The following MINK1 variants were observed in gnomAD, a reference collection of about 807,000 sequenced individuals.
MINK1 encodes the protein misshapen like kinase 1.
MINK1 carries 46 observed loss-of-function variants against 178.4 expected under a neutral mutation model. The observed-to-expected ratio is 0.26, with a 90% CI of 0.20 to 0.33. The LOEUF is 0.33. Ranked by LOEUF, MINK1 falls within the 10% of genes least tolerant of loss-of-function variation. The pLI is 1.00. For missense variants in MINK1, 1,366 were observed against 1,814.9 expected, an observed-to-expected ratio of 0.75 and a Z score of 4.49; for synonymous variants, 797 against 709.7, an observed-to-expected ratio of 1.12 and a Z score of -1.96.
Position 4,886,568 on chromosome 17 carries a change from G to C in MINK1, c.891G>C (p.Gln297His). Residue 297 changes from glutamine to histidine, a missense_variant, in exon 10 of 32, where the codon CAG (glutamine) becomes CAC (histidine). Coordinates refer to ENST00000355280, the MANE Select transcript of MINK1 (RefSeq NM_153827.5). This position sits in a 1 kb window ranked among gnomAD's most constrained non-coding sequence, Gnocchi z 6.1. ...TCCGGGACCAGCCCACGGAGCGGCA[G>C]GTCCGCATCCAGCTTAAGGACCACA... Reference protein sequence around the residue: ...PFIRDQPTERQVRIQLKDHID... With the variant: ...PFIRDQPTERHVRIQLKDHID... 3 of 1,612,840 alleles carry C rather than the reference G, an allele frequency of 1.9e-6. No individual in the cohort carries two copies. Among genetic ancestry groups the C allele is most frequent in the Non-Finnish European group, 2.5e-6 (3 of 1,179,456 alleles).
chr17:4,889,632 T>G lies in MINK1; in HGVS notation c.1231-15T>G. On this transcript the variant is annotated splice_polypyrimidine_tract_variant and intron_variant, in intron 12 of 31. Transcript: ENST00000355280. ...GTCCGGTATGGTTCTTAAGACCACC[T>G]GGCTCTCCCCACAGCAACAGCGGCG... 6.4e-7 allele frequency: 1 copy of G among 1,569,118 alleles called. No homozygotes were observed. Among genetic ancestry groups the G allele is most frequent in the Non-Finnish European group, 8.6e-7 (1 of 1,157,798 alleles).
Position 4,896,849 on chromosome 17 carries a change from C to T in MINK1, c.3915+36C>T. ...CCTTCCCTCTGAAAGCCCTGCTGTC[C>T]CGGCTGCCATGACCCTAGGCCCCTG... On this transcript the variant is annotated intron_variant, in intron 31 of 31. Coordinates refer to ENST00000355280, the MANE Select transcript of MINK1 (RefSeq NM_153827.5). This position sits in a 1 kb window ranked among gnomAD's most constrained non-coding sequence, Gnocchi z 4.6. The T allele has an allele frequency of 2.6e-6, 4 of 1,534,096 alleles. No homozygotes were observed. The highest frequency in any genetic ancestry group is 3.5e-6 in the Non-Finnish European group (4 of 1,141,820).
chr17:4,875,417 G>T, intron 1 of MINK1: 1 of 448,870 alleles, frequency 2.2e-6, no homozygotes, highest in Non-Finnish European at 4.4e-6. Context: ...CAAGGCTACA[G>T]TGAGCTGTGA....
intron 20 of MINK1, 175 bp from the exon 21 acceptor site, chr17:4,893,257 GCT>G (rs1969061998): frequency 6.2e-7 from 1 of 1,610,960 alleles, no homozygotes; most frequent in Non-Finnish European, 8.5e-7. Flanking sequence ...CTCTCTTCTG[GCT>G]CTTTCTTCCC....
chr17:4,838,622 G>A (rs114411493), intron 1 of MINK1, among the ~76,000 whole-genome samples: 1,837 of 152,234 alleles, frequency 0.012, 24 homozygotes, highest in African/African-American at 0.038. Context: ...CTTGTATTCT[G>A]GTGTAGGTCT....
rs931136409 is a variant in MINK1 at position 4,833,473 on chromosome 17, C to T, written c.-111C>T. On this transcript the variant is annotated 5_prime_UTR_variant, in exon 1 of 32. Transcript: ENST00000355280. The surrounding 1 kb of genome is among the most constrained non-coding windows in gnomAD (Gnocchi z 4.8). Reference sequence around the variant, plus strand: ...CCCTCCCCGGTCTCCGGGGGAGGCGCGGTGGAGTCCGCCCCCGGGGTTCTC... The same window carrying T: ...CCCTCCCCGGTCTCCGGGGGAGGCGTGGTGGAGTCCGCCCCCGGGGTTCTC... The T allele has an allele frequency of 1.8e-5, 16 of 868,062 alleles. No homozygotes were observed. The highest frequency in any genetic ancestry group is 3.6e-5 in the African/African-American group (2 of 56,330). The allele number at this position is 868,062 out of a possible 1,614,324, so 53.8% of individuals were successfully genotyped here.
At chr17:4,842,273 G>A (rs368883162) in intron 1 of MINK1, among the ~76,000 whole-genome samples, 14 of 152,098 alleles carry the variant, frequency 9.2e-5, no homozygotes, top group African/African-American at 3.1e-4. Flanking sequence ...TAGCACATGG[G>A]GATTGGGGAT....
Position 4,870,105 on chromosome 17 carries a change from G to A in MINK1, c.58-8212G>A, listed in dbSNP as rs1915675409. On this transcript the variant is annotated intron_variant, in intron 1 of 31. Transcript: ENST00000355280. Reference sequence around the variant, plus strand: ...TTTTTTTATTTTGTAGTAGAGACGGGGTTTCACCGTGTAAGCCAGGATGGT... The same window carrying A: ...TTTTTTTATTTTGTAGTAGAGACGGAGTTTCACCGTGTAAGCCAGGATGGT... Among the ~76,000 whole-genome samples, 4 of 151,364 alleles carry A rather than the reference G, an allele frequency of 2.6e-5. 1 individual carries two copies. Among genetic ancestry groups the A allele is most frequent in the South Asian group, 4.2e-4 (2 of 4,802 alleles).
rs532709041 is a variant in MINK1 at position 4,857,150 on chromosome 17, A to AG, written c.58-21161dup. On this transcript the variant is annotated intron_variant, in intron 1 of 31. Coordinates refer to ENST00000355280, the MANE Select transcript of MINK1 (RefSeq NM_153827.5). ...TGTTGTCATCATTCAGGGAGTTGGC[A>AG]GGGGGGACAGCCGCCACTAGGCCAT... The AG allele has an allele frequency of 9.0e-3, 2,330 of 258,312 alleles. 31 individuals carry two copies. The highest frequency in any genetic ancestry group is 9.7e-3 in the Non-Finnish European group (1,259 of 129,320). The allele number at this position is 258,312 out of a possible 1,614,324, so 16.0% of individuals were successfully genotyped here. A position where few individuals can be genotyped will look rare whatever the true frequency, so the allele number is the denominator to read the frequency against.
chr17:4,891,690 C>G lies in MINK1; in HGVS notation c.1975C>G (p.Arg659Gly). 6.2e-7 allele frequency: 1 copy of G among 1,602,644 alleles called. No individual in the cohort carries two copies. The highest frequency in any genetic ancestry group is 1.3e-5 in the African/African-American group (1 of 74,886). ...CAGCCCGAATCCCCCAGCCTGGGTCCGCCCAGATAACGAGGCCCCACCCAA... is the reference window on the plus strand; with the variant it reads ...CAGCCCGAATCCCCCAGCCTGGGTCGGCCCAGATAACGAGGCCCCACCCAA... ...GPSPNPPAWV[R>G]PDNEAPPKVP... The change falls in exon 16 of 32, where the codon CGC becomes GGC. Residue 659 changes from arginine to glycine, a missense_variant. Physicochemically the swap from Arg to Gly is moderately radical, Grantham distance 125 (BLOSUM62 -2). This residue lies in a region of MINK1 where 709 missense variants were observed against 692.3 expected (regional missense o/e 1.02). Coordinates refer to ENST00000355280, the MANE Select transcript of MINK1 (RefSeq NM_153827.5).
chr17:4,884,577 CT>C, intron 5 of MINK1, 104 bp downstream of exon 5: 1 of 840,064 alleles, frequency 1.2e-6, no homozygotes, highest in Non-Finnish European at 2.0e-6. Context: ...TCACTGCCCT[CT>C]TTAGGGAGCA....
intron 1 of MINK1, among the ~76,000 whole-genome samples, chr17:4,875,745 T>G (rs1232184518): frequency 4.6e-5 from 7 of 151,758 alleles, no homozygotes; most frequent in Non-Finnish European, 1.0e-4. Context: ...GCACTCCAGC[T>G]GGGCAACAAG....
At chr17:4,888,539 G>A (rs1968439218) in intron 12 of MINK1, among the ~76,000 whole-genome samples, 1 of 152,028 alleles carries the variant, frequency 6.6e-6, no homozygotes, top group African/African-American at 2.4e-5. Context: ...TTAGGAGGCT[G>A]AGGCAGGAGA....
chr17:4,878,460 G>A (rs1967393926), intron 2 of MINK1, 78 bp downstream of exon 2: 20 of 1,279,804 alleles, frequency 1.6e-5, no homozygotes, highest in Non-Finnish European at 2.1e-5. Context: ...GTAGATTCCT[G>A]GTCTGCAGGT....
At position 4,889,734 on chromosome 17, in the gene MINK1, G is replaced by C; in HGVS notation, c.1318G>C (p.Glu440Gln). 1 of 1,546,418 alleles carries C rather than the reference G, an allele frequency of 6.5e-7. No homozygotes were observed. Among genetic ancestry groups the C allele is most frequent in the Non-Finnish European group, 8.7e-7 (1 of 1,148,588 alleles). ...LEDMQALRRE[E>Q]ERRQAEREQE... ...GGACATGCAGGCTCTGCGGCGGGAG[G>C]AGGAGCGGCGGCAGGCGGAGCGCGA... The change falls in exon 13 of 32, where the codon GAG becomes CAG. Residue 440 changes from glutamate to glutamine, a missense_variant. This residue lies in a region of MINK1 where 87 missense variants were observed against 78.9 expected (regional missense o/e 1.10). Coordinates refer to ENST00000355280, the MANE Select transcript of MINK1 (RefSeq NM_153827.5).
Position 4,891,196 on chromosome 17 carries a change from G to GCACACACA in MINK1, c.1740+73_1740+74insACACACAC. 5 of 849,996 alleles carry GCACACACA rather than the reference G, an allele frequency of 5.9e-6. No individual in the cohort carries two copies. In the South Asian group the frequency reaches 6.5e-5, roughly 11 times the overall value. The allele number at this position is 849,996 out of a possible 1,614,324, so 52.7% of individuals were successfully genotyped here. On this transcript the variant is annotated intron_variant, in intron 15 of 31. Transcript: ENST00000355280. ...GTTCAGAGCACAGGTACACACACAC[G>GCACACACA]CGCGCACACACACACACACACACAC...
intron 1 of MINK1, among the ~76,000 whole-genome samples, chr17:4,873,351 T>C: frequency 7.3e-6 from 1 of 136,516 alleles, no homozygotes; most frequent in Non-Finnish European, 1.6e-5. Flanking sequence ...CAGCACAGCA[T>C]GACAATAGAA....
At chr17:4,890,910 G>C in intron 14 of MINK1, 41 bp from the exon 15 acceptor site, 1 of 1,551,068 alleles carries the variant, frequency 6.4e-7, no homozygotes, top group Non-Finnish European at 8.7e-7. Context: ...TGAGAACAGG[G>C]AGGCAAGAGC....
At position 4,893,087 on chromosome 17, in the gene MINK1, G is replaced by A; in HGVS notation, c.2400+20G>A. 1.9e-6 allele frequency: 3 copies of A among 1,552,110 alleles called. No homozygotes were observed. Among genetic ancestry groups the A allele is most frequent in the East Asian group, 2.4e-5 (1 of 40,960 alleles). On this transcript the variant is annotated intron_variant, in intron 20 of 31. Coordinates refer to ENST00000355280, the MANE Select transcript of MINK1 (RefSeq NM_153827.5). Reference sequence around the variant, plus strand: ...CCCGCAGTGAGTCACCTGGTGGCAGGCATGGCCTGCCTCATCCTGGTTTGG... The same window carrying A: ...CCCGCAGTGAGTCACCTGGTGGCAGACATGGCCTGCCTCATCCTGGTTTGG...
Sources: gnomAD v4.1 joint callset for allele counts (sites outside exome capture counted in the v4.1 genomes callset) on GRCh38, gnomAD v4.1.1 for gene constraint, gnomAD v4.1.1 regional missense constraint, Gnocchi (gnomAD v3.1) non-coding constraint, MANE v1.5 for transcripts, NCBI Gene and HGNC (gene_info 2026-07-23, HGNC 2026-07-21) for gene names.